SQSTM1: variants seen among roughly 807,000 people sequenced by gnomAD.
The protein encoded by SQSTM1 is sequestosome-1.
SQSTM1 carries 36 observed loss-of-function variants against 45.1 expected under a neutral mutation model. The observed-to-expected ratio is 0.80, with a 90% CI of 0.61 to 1.05. The LOEUF is 1.05. Ranked by LOEUF, SQSTM1 falls within the 50% of genes least tolerant of loss-of-function variation. The pLI, the probability that SQSTM1 is intolerant of heterozygous loss-of-function variation, is 0.00. For missense variants in SQSTM1, 617 were observed against 607.1 expected (o/e 1.02, Z -0.17); for synonymous variants, 290 against 244.3 (o/e 1.19, Z -1.74).
chr5:179,825,212 C>T lies in SQSTM1; in HGVS notation c.740C>T (p.Ala247Val), dbSNP rs905951128. The T allele has an allele frequency of 1.2e-6, 2 of 1,613,784 alleles. No homozygotes were observed. Among genetic ancestry groups the T allele is most frequent in the African/African-American group, 2.7e-5 (2 of 74,918 alleles). ...AACGTTGGGGAGAGTGTGGCAGCTG[C>T]CCTTAGCCCTCTGGGTGAGTGCACC... ...LKNVGESVAA[A>V]LSPLGIEVDI... The change falls in exon 5 of 8, where the codon GCC (alanine) becomes GTC (valine). Residue 247 changes from alanine to valine, a missense_variant. Physicochemically the swap from Ala to Val is moderately conservative, Grantham distance 64. Transcript: ENST00000389805.
chr5:179,827,573 T>C (rs1758048802), intron 5 of SQSTM1, among the ~76,000 whole-genome samples: 2 of 152,222 alleles, frequency 1.3e-5, no homozygotes, highest in African/African-American at 4.8e-5. Context: ...CGTGAGCCAC[T>C]GCACCCGGCC....
intron 5 of SQSTM1, among the ~76,000 whole-genome samples, chr5:179,828,370 T>G (rs1320031921): frequency 1.2e-5 from 1 of 86,440 alleles, no homozygotes; most frequent in Admixed American, 1.0e-4. Context: ...TTTTCTTATC[T>G]TTTTTTTTTT....
At chr5:179,836,060 C>T in intron 7 of SQSTM1, 1 of 357,378 alleles carries the variant, frequency 2.8e-6, no homozygotes, top group Non-Finnish European at 5.4e-6. Context: ...ATTCATCTCT[C>T]TCCATCTTCA....
chr5:179,822,833 T>C (rs1313960948), intron 1 of SQSTM1, 125 bp from the exon 2 acceptor site: 2 of 823,078 alleles, frequency 2.4e-6, no homozygotes. Context: ...CCTCTGTGGC[T>C]CAAGTAGGTG....
upstream of SQSTM1, among the ~76,000 whole-genome samples, chr5:179,818,609 G>A (rs1757653937): frequency 1.3e-5 from 2 of 152,154 alleles, no homozygotes; most frequent in African/African-American, 4.8e-5. Flanking sequence ...CTGGGCGCTT[G>A]GCTCAGGCCT....
chr5:179,830,561 TTTTC>T (rs1758168259), intron 5 of SQSTM1, among the ~76,000 whole-genome samples: 6 of 150,716 alleles, frequency 4.0e-5, no homozygotes, highest in African/African-American at 1.5e-4. Context: ...TTTTTTTTCT[TTTTC>T]TTTCCCCACC....
intron 1 of SQSTM1, chr5:179,822,664 C>T (rs941793990): frequency 2.4e-6 from 1 of 418,928 alleles, no homozygotes; most frequent in Non-Finnish European, 4.5e-6. Flanking sequence ...TCTGAAAAGG[C>T]AGCTGGCCCA....
At chr5:179,824,584 G>C (rs1385140504) in intron 4 of SQSTM1, among the ~76,000 whole-genome samples, 1 of 152,186 alleles carries the variant, frequency 6.6e-6, no homozygotes, top group Non-Finnish European at 1.5e-5. Context: ...GCCCTCTCAA[G>C]GTACCCTGAG....
intron 1 of SQSTM1, among the ~76,000 whole-genome samples, chr5:179,821,914 C>T (rs1279838535): frequency 2.6e-5 from 4 of 151,468 alleles, no homozygotes; most frequent in African/African-American, 9.7e-5. Flanking sequence ...CCCTCTGGAG[C>T]GCTGCCAGCA....
intron 1 of SQSTM1, chr5:179,821,484 C>T: frequency 1.8e-6 from 1 of 541,624 alleles, no homozygotes; most frequent in Admixed American, 2.2e-5. Context: ...GGCGAACGCT[C>T]TGGCTCTCCG....
intron 2 of SQSTM1, chr5:179,823,628 G>T (rs1016915351): frequency 5.1e-6 from 3 of 586,448 alleles, no homozygotes; most frequent in Non-Finnish European, 9.1e-6. Context: ...TGCAGACAGG[G>T]CTCCTTGCTG....
At chr5:179,834,505 A>G (rs1243201553) in intron 7 of SQSTM1, among the ~76,000 whole-genome samples, 3 of 151,896 alleles carry the variant, frequency 2.0e-5, no homozygotes, top group East Asian at 3.9e-4. Flanking sequence ...AGGGAAGGTC[A>G]GCAGATAAAC....
chr5:179,833,711 G>A lies in SQSTM1; in HGVS notation c.1094G>A (p.Ser365Asn), dbSNP rs761368437. The change falls in exon 7 of 8, where the codon AGC becomes AAC. Residue 365 changes from serine to asparagine, a missense_variant. Ser to Asn is a conservative substitution (Grantham distance 46, BLOSUM62 1). Transcript: ENST00000389805. ...CAGATGCCAGAATCCGAAGGGCCAA[G>A]CTCTCTGGACCCCTCCCAGGAGGGA... ...SLQMPESEGP[S>N]SLDPSQEGPT... The A allele has an allele frequency of 4.3e-6, 7 of 1,614,078 alleles. No individual in the cohort carries two copies. Among genetic ancestry groups the A allele is most frequent in the Non-Finnish European group, 5.9e-6 (7 of 1,180,058 alleles).
chr5:179,826,030 G>T (rs1757971047), intron 5 of SQSTM1, among the ~76,000 whole-genome samples: 1 of 152,158 alleles, frequency 6.6e-6, no homozygotes, highest in South Asian at 2.1e-4. Context: ...GCAGTGGCAG[G>T]CTGTGTCCAC....
chr5:179,835,126 CAG>C, intron 7 of SQSTM1: 1 of 212,002 alleles, frequency 4.7e-6, no homozygotes, highest in Non-Finnish European at 9.7e-6. Context: ...ACATCCCAGA[CAG>C]GGCGGCGGGG....
At position 179,825,237 on chromosome 5, in the gene SQSTM1, C is replaced by T. The variant is rs759297517; in HGVS notation, c.754+11C>T. ...CCCTTAGCCCTCTGGGTGAGTGCAC[C>T]TCCTTGCCCAGTGCTTCCCTAACTC... On this transcript the variant is annotated intron_variant, in intron 5 of 7. Transcript: ENST00000389805. 9.9e-6 allele frequency: 16 copies of T among 1,610,688 alleles called. No homozygotes were observed. The highest frequency in any genetic ancestry group is 1.4e-5 in the Non-Finnish European group (16 of 1,177,428).
At chr5:179,829,179 T>TA (rs1237498992) in intron 5 of SQSTM1, among the ~76,000 whole-genome samples, 6 of 152,196 alleles carry the variant, frequency 3.9e-5, no homozygotes, top group Admixed American at 1.3e-4. Context: ...CATGGGATAC[T>TA]AGAGACAGGC....
rs1329987766 is a variant in SQSTM1 at position 179,821,130 on chromosome 5, C to A, written c.194C>A (p.Ala65Glu). 9 of 1,363,062 alleles carry A rather than the reference C, an allele frequency of 6.6e-6. No homozygotes were observed. The highest frequency in any genetic ancestry group is 1.7e-5 in the South Asian group (1 of 57,896). 84.4% of individuals were successfully genotyped at this position (1,363,062 alleles called of 1,614,324 possible). A position where few individuals can be genotyped will look rare whatever the true frequency, so the allele number is the denominator to read the frequency against. Residue 65 changes from alanine (A) to glutamate (E), a missense_variant, in exon 1 of 8, where the codon GCG becomes GAG. Ala to Glu is a moderately radical substitution (Grantham distance 107). Coordinates refer to ENST00000389805, the MANE Select transcript of SQSTM1 (RefSeq NM_003900.5). ...GCGCTGCGGCCTGGCGGCTTCCAGG[C>A]GCACTACCGCGGTGAGCGGGCCGGG... is the stretch of plus-strand genomic sequence containing the variant. ...FPALRPGGFQAHYRDEDGDLV... is the reference protein window; with the variant it reads ...FPALRPGGFQEHYRDEDGDLV...
rs533846835 is a variant in SQSTM1 at position 179,831,389 on chromosome 5, C to T, written c.755-1643C>T. ...ATGCAAAGAGAAGGCAGGCTGGGTG[C>T]AGTGGCTCATGCCTGTAATCCAAGC... is the stretch of plus-strand genomic sequence containing the variant. On this transcript the variant is annotated intron_variant, in intron 5 of 7. Coordinates refer to ENST00000389805, the MANE Select transcript of SQSTM1 (RefSeq NM_003900.5). Among the ~76,000 whole-genome samples, 21 of 152,340 alleles carry T rather than the reference C, an allele frequency of 1.4e-4. No individual in the cohort carries two copies. In the South Asian group the frequency reaches 4.3e-3, roughly 32 times the overall value.
Sources: gnomAD v4.1 joint callset for allele counts (sites outside exome capture counted in the v4.1 genomes callset) on GRCh38, gnomAD v4.1.1 for gene constraint, MANE v1.5 for transcripts, NCBI Gene and HGNC (gene_info 2026-07-23, HGNC 2026-07-21) for gene names.